Variants in ZNF496 observed in about 807,000 individuals in gnomAD.
The protein encoded by ZNF496 is zinc finger protein 496.
In ZNF496, 11 loss-of-function variants were observed where a neutral mutation model predicts 58.9. The ratio of observed to expected loss-of-function variants is 0.19; its 90% confidence interval spans 0.12 to 0.31. The LOEUF (loss-of-function observed/expected upper bound fraction) is 0.31. Ranked by LOEUF, ZNF496 falls within the 10% of genes least tolerant of loss-of-function variation. ZNF496 has a pLI of 1.00. For missense variants in ZNF496, 660 were observed against 783.0 expected, an observed-to-expected ratio of 0.84 and a Z score of 1.88; for synonymous variants, 338 against 318.2, an observed-to-expected ratio of 1.06 and a Z score of -0.66.
intron 9 of ZNF496, among the ~76,000 whole-genome samples, chr1:247,301,513 TC>T (rs1417495856): frequency 1.3e-5 from 2 of 152,056 alleles, no homozygotes; most frequent in African/African-American, 4.8e-5. Context: ...CTCTCCCTCT[TC>T]CCAGCCATTT....
intron 6 of ZNF496, among the ~76,000 whole-genome samples, chr1:247,315,586 C>A (rs1248875918): frequency 6.6e-6 from 1 of 151,088 alleles, no homozygotes; most frequent in Non-Finnish European, 1.5e-5. Flanking sequence ...TAAGGGGGCA[C>A]AAACGTCTGC....
chr1:247,310,082 A>G, intron 7 of ZNF496: 1 of 1,430,502 alleles, frequency 7.0e-7, no homozygotes, highest in Non-Finnish European at 9.1e-7. Context: ...GACATACAGC[A>G]CATGTTCTAT....
At chr1:247,314,331 A>G (rs1451593361) in intron 6 of ZNF496, among the ~76,000 whole-genome samples, 1 of 151,660 alleles carries the variant, frequency 6.6e-6, no homozygotes, top group Non-Finnish European at 1.5e-5. Context: ...GGCTGGGATT[A>G]CCAGTATGAG....
chr1:247,308,670 AGGCTACGATCTGGGGGCGGCCCTG>A lies in ZNF496; in HGVS notation c.893-106_893-83del. The A allele has an allele frequency of 7.4e-7, 1 of 1,356,654 alleles. No individual in the cohort carries two copies. Among genetic ancestry groups the A allele is most frequent in the Middle Eastern group, 1.8e-4 (1 of 5,506 alleles). 84.0% of individuals were successfully genotyped at this position (1,356,654 alleles called of 1,614,324 possible). ...GGAGGGTGCTATCCGAATAGATGCC[AGGCTACGATCTGGGGGCGGCCCTG>A]GGCTCCGTCCTGGGGACTGGCAGGG... On this transcript the variant is annotated intron_variant, in intron 8 of 9. Coordinates refer to ENST00000682384, the MANE Select transcript of ZNF496 (RefSeq NM_032752.3). The surrounding 1 kb of genome is among the most constrained non-coding windows in gnomAD (Gnocchi z 4.5).
In ZNF496 at chr1:247,308,318, ACACT is replaced by A. The variant is rs1205895980; in HGVS notation, c.1006+153_1006+156del. 4.6e-5 allele frequency among the ~76,000 whole-genome samples: 7 copies of A among 152,176 alleles called. No individual in the cohort carries two copies. Among genetic ancestry groups the A allele is most frequent in the African/African-American group, 9.7e-5 (4 of 41,438 alleles). On this transcript the variant is annotated intron_variant, in intron 9 of 9. Coordinates refer to ENST00000682384, the MANE Select transcript of ZNF496 (RefSeq NM_032752.3). This position sits in a 1 kb window ranked among gnomAD's most constrained non-coding sequence, Gnocchi z 4.5. ...CACACAGGTGCACCCATGAATGCAC[ACACT>A]CACACATGCAGCACACCACATATAC...
Position 247,320,735 on chromosome 1 carries a change from AAAAC to A in ZNF496, c.651+2415_651+2418del, listed in dbSNP as rs201298635. Among the ~76,000 whole-genome samples the A allele has an allele frequency of 2.1e-4, 32 of 152,386 alleles. No homozygotes were observed. The East Asian group carries it at 6.2e-3, about 29-fold the overall frequency. ...AAATGAGAAGATTCATTTAAAAAGA[AAAAC>A]AAAACTTCACGTGTACCATGTTCAT... On this transcript the variant is annotated intron_variant, in intron 6 of 9. Coordinates refer to ENST00000682384, the MANE Select transcript of ZNF496 (RefSeq NM_032752.3).
At chr1:247,319,959 G>T (rs1227274191) in intron 6 of ZNF496, among the ~76,000 whole-genome samples, 32 of 151,970 alleles carry the variant, frequency 2.1e-4, no homozygotes, top group Non-Finnish European at 1.5e-5. Context: ...CTATCTAAAA[G>T]TAACTTACTT....
chr1:247,305,116 T>C (rs1659368807), intron 9 of ZNF496, among the ~76,000 whole-genome samples: 1 of 152,116 alleles, frequency 6.6e-6, no homozygotes, highest in Non-Finnish European at 1.5e-5. Flanking sequence ...TCTTTCAAGA[T>C]GTAATTAAGT....
Position 247,301,105 on chromosome 1 carries a change from G to A in ZNF496, c.1178C>T (p.Thr393Ile), listed in dbSNP as rs756151535. The change falls in exon 10 of 10, where the codon ACC (threonine) becomes ATC (isoleucine). Residue 393 changes from threonine to isoleucine, a missense_variant. Transcript: ENST00000682384. ...GGTCTGCACCTCGCCTCCGGCCTCGGTGCTGCTCCGGTGGGAGGCGGGGAG... is the reference window on the plus strand; with the variant it reads ...GGTCTGCACCTCGCCTCCGGCCTCGATGCTGCTCCGGTGGGAGGCGGGGAG... ...RSLPASHRSS[T>I]EAGGEVQTSK... The A allele has an allele frequency of 6.2e-6, 10 of 1,613,690 alleles. 1 individual carries two copies. The South Asian group carries it at 1.1e-4, about 18-fold the overall frequency.
intron 6 of ZNF496, among the ~76,000 whole-genome samples, chr1:247,322,184 G>A (rs1440750360): frequency 2.6e-5 from 4 of 152,168 alleles, no homozygotes; most frequent in East Asian, 1.9e-4. Context: ...TCAGGAGACC[G>A]AGGTGGGAGG....
At position 247,328,770 on chromosome 1, in the gene ZNF496, C is replaced by T. The variant is rs1427343840; in HGVS notation, c.487G>A (p.Ala163Thr). 1.2e-6 allele frequency: 2 copies of T among 1,613,716 alleles called. No individual in the cohort carries two copies. Among genetic ancestry groups the T allele is most frequent in the African/African-American group, 1.3e-5 (1 of 74,908 alleles). Residue 163 changes from alanine (A) to threonine (T), a missense_variant, in exon 5 of 10, where the codon GCA becomes ACA. Ala to Thr is a moderately conservative substitution (Grantham distance 58). Coordinates refer to ENST00000682384, the MANE Select transcript of ZNF496 (RefSeq NM_032752.3). Reference sequence around the variant, plus strand: ...ATGGGCTGGGCATCCTGGTTCTTTGCAAGGTCGCTGTGGGGCTCTACCGGC... The same window carrying T: ...ATGGGCTGGGCATCCTGGTTCTTTGTAAGGTCGCTGTGGGGCTCTACCGGC... ...QLPVEPHSDL[A>T]KNQDAQPITL...
At chr1:247,326,313 G>A (rs1266485309) in intron 5 of ZNF496, among the ~76,000 whole-genome samples, 1 of 152,018 alleles carries the variant, frequency 6.6e-6, no homozygotes, top group South Asian at 2.1e-4. Flanking sequence ...GATAGGTAGT[G>A]CATTCCAATG....
intron 2 of ZNF496, among the ~76,000 whole-genome samples, chr1:247,330,717 C>A (rs1021975992): frequency 1.3e-5 from 2 of 152,258 alleles, no homozygotes; most frequent in Non-Finnish European, 2.9e-5. Context: ...ATCCTTAGGA[C>A]CGGCAGTGCC....
rs74634615 is a variant in ZNF496, at chr1:247,328,776, C to G, written c.481G>C (p.Asp161His). Reference sequence around the variant, plus strand: ...TGGGCATCCTGGTTCTTTGCAAGGTCGCTGTGGGGCTCTACCGGCAGCTGC... The same window carrying G: ...TGGGCATCCTGGTTCTTTGCAAGGTGGCTGTGGGGCTCTACCGGCAGCTGC... ...QEQLPVEPHS[D>H]LAKNQDAQPI... is the part of the protein sequence containing the mutation. Residue 161 changes from aspartate to histidine, a missense_variant, in exon 5 of 10, where the codon GAC (aspartate) becomes CAC (histidine). Transcript: ENST00000682384. 4.3e-6 allele frequency: 7 copies of G among 1,613,794 alleles called. No homozygotes were observed. Among genetic ancestry groups the G allele is most frequent in the Non-Finnish European group, 5.9e-6 (7 of 1,179,924 alleles).
chr1:247,325,443 A>G (rs10754545), intron 5 of ZNF496, among the ~76,000 whole-genome samples: 32,478 of 152,234 alleles, frequency 0.21, 4,009 homozygotes, highest in East Asian at 0.41. Context: ...GTACAATGTG[A>G]TAACTATACA....
At chr1:247,301,416 C>T (rs905059248) in intron 9 of ZNF496, 140 bp from the exon 10 acceptor site, 64 of 1,062,740 alleles carry the variant, frequency 6.0e-5, no homozygotes, top group Non-Finnish European at 7.2e-5. Flanking sequence ...GCGGCCTGGC[C>T]AGCCCTGCAG....
chr1:247,327,721 A>G (rs567058381), intron 5 of ZNF496, among the ~76,000 whole-genome samples: 1 of 151,770 alleles, frequency 6.6e-6, no homozygotes, highest in African/African-American at 2.4e-5. Flanking sequence ...TCTGCAAGTC[A>G]TAAGAAAGTC....
intron 9 of ZNF496, 133 bp from the exon 10 acceptor site, chr1:247,301,409 G>T: frequency 8.5e-7 from 1 of 1,174,388 alleles, no homozygotes; most frequent in Non-Finnish European, 1.1e-6. Flanking sequence ...GACCGGGGCG[G>T]CCTGGCCAGC....
chr1:247,323,291 C>T, intron 5 of ZNF496, 61 bp from the exon 6 acceptor site: 2 of 1,240,810 alleles, frequency 1.6e-6, no homozygotes, highest in South Asian at 1.3e-5. Flanking sequence ...GTGCTGATAC[C>T]TTCTGAGCTT....
Sources: gnomAD v4.1 joint callset for allele counts (sites outside exome capture counted in the v4.1 genomes callset) on GRCh38, gnomAD v4.1.1 for gene constraint, Gnocchi (gnomAD v3.1) non-coding constraint, MANE v1.5 for transcripts, NCBI Gene and HGNC (gene_info 2026-07-23, HGNC 2026-07-21) for gene names.